The following ST7 variants were observed in gnomAD, a reference collection of about 807,000 sequenced individuals.
ST7 encodes suppression of tumorigenicity 7.
In ST7, 28 loss-of-function variants were observed where a neutral mutation model predicts 78.7. That is an observed-to-expected ratio of 0.36 (90% confidence interval 0.26 to 0.49). The LOEUF (loss-of-function observed/expected upper bound fraction) is 0.49. Ranked by LOEUF, ST7 falls within the 20% of genes least tolerant of loss-of-function variation. ST7 has a pLI of 0.99. For synonymous variants in ST7, 247 were observed against 249.6 expected, an observed-to-expected ratio of 0.99 and a Z score of 0.10; for missense variants, 418 against 696.0, an observed-to-expected ratio of 0.60 and a Z score of 4.49.
intron 9 of ST7, among the ~76,000 whole-genome samples, chr7:117,168,127 T>C (rs1159672838): frequency 6.6e-6 from 1 of 152,208 alleles, no homozygotes; most frequent in African/African-American, 2.4e-5. Context: ...AACATTTGCT[T>C]TTTACCATGT....
At chr7:117,001,813 C>G (rs910946094) in intron 1 of ST7, among the ~76,000 whole-genome samples, 3 of 152,104 alleles carry the variant, frequency 2.0e-5, no homozygotes, top group African/African-American at 7.2e-5. Context: ...TGGCAGGATC[C>G]TTTTGTTGTT....
At chr7:117,128,493 T>A (rs1267332830) in intron 3 of ST7, 1 of 151,916 alleles carries the variant, frequency 6.6e-6, no homozygotes, top group Non-Finnish European at 1.5e-5. Flanking sequence ...CAAGTTAAGC[T>A]AAGTGACAAA....
chr7:117,147,253 C>T (rs997621415), intron 9 of ST7, among the ~76,000 whole-genome samples: 2 of 152,082 alleles, frequency 1.3e-5, no homozygotes, highest in African/African-American at 4.8e-5. Flanking sequence ...CAGGTTTCTT[C>T]CAACTTCCTG....
chr7:117,110,145 A>G (rs1802313331), intron 2 of ST7, among the ~76,000 whole-genome samples: 1 of 152,228 alleles, frequency 6.6e-6, no homozygotes, highest in Admixed American at 6.5e-5. Flanking sequence ...AGGCATTACA[A>G]GTCTCCCTCT....
At chr7:117,221,002 G>A (rs1359025971) in intron 14 of ST7, among the ~76,000 whole-genome samples, 1 of 152,070 alleles carries the variant, frequency 6.6e-6, no homozygotes, top group Non-Finnish European at 1.5e-5. Context: ...CTCTTGGTTA[G>A]AGTGGGCTGT....
chr7:117,154,258 A>C (rs1179050417), intron 9 of ST7, among the ~76,000 whole-genome samples: 1 of 152,186 alleles, frequency 6.6e-6, no homozygotes, highest in African/African-American at 2.4e-5. Flanking sequence ...TACAGCAAGA[A>C]GGTGCTCCTC....
At position 117,161,591 on chromosome 7, in the gene ST7, C is replaced by CTTTT. The variant is rs60505994; in HGVS notation, c.964-9254_964-9251dup. Among the ~76,000 whole-genome samples, 240 of 113,560 alleles carry CTTTT rather than the reference C, an allele frequency of 2.1e-3. 2 individuals are homozygous for CTTTT. The highest frequency in any genetic ancestry group is 6.2e-3 in the Middle Eastern group (1 of 162). 74.5% of individuals were successfully genotyped at this position (113,560 alleles called of 152,430 possible). A position where few individuals can be genotyped will look rare whatever the true frequency, so the allele number is the denominator to read the frequency against. On this transcript the variant is annotated intron_variant, in intron 9 of 15. Transcript: ENST00000323984. ...TTTTTTCAGTTTGTTTTCTTTCTTT[C>CTTTT]TTTTTTTTTTTTTTTTTTTTCTTTC...
chr7:116,993,215 G>A (rs188334088), intron 1 of ST7, among the ~76,000 whole-genome samples: 154 of 152,290 alleles, frequency 1.0e-3, no homozygotes, highest in African/African-American at 3.5e-3. Context: ...ACAATGTACT[G>A]TATTAGTTTG....
intron 1 of ST7, among the ~76,000 whole-genome samples, chr7:117,087,888 G>A (rs1426012848): frequency 6.6e-6 from 1 of 152,024 alleles, no homozygotes. Flanking sequence ...AATAATTCCC[G>A]CAGCTGCACA....
intron 1 of ST7, among the ~76,000 whole-genome samples, chr7:117,079,998 T>G (rs941461586): frequency 7.2e-6 from 1 of 137,988 alleles, no homozygotes; most frequent in East Asian, 2.1e-4. Context: ...TTTTTTTTTT[T>G]GAGACGGAGT....
chr7:117,195,156 A>T (rs1810187459), intron 12 of ST7, among the ~76,000 whole-genome samples: 2 of 120,428 alleles, frequency 1.7e-5, no homozygotes, highest in African/African-American at 1.6e-4. Flanking sequence ...TTACTATTTA[A>T]AAAAAAATTA....
intron 2 of ST7, among the ~76,000 whole-genome samples, chr7:117,117,579 GCAGTACCCTTCATCATGATGATTTA>G (rs1239474497): frequency 1.3e-5 from 2 of 152,170 alleles, no homozygotes; most frequent in Non-Finnish European, 2.9e-5. Context: ...TGTACAGTGA[GCAGTACCCTTCATCATGATGATTTA>G]CAGTACTTTC....
At chr7:117,189,592 G>T (rs531292904) in intron 11 of ST7, among the ~76,000 whole-genome samples, 199 bp downstream of exon 11, 5 of 152,192 alleles carry the variant, frequency 3.3e-5, no homozygotes, top group African/African-American at 9.7e-5. Context: ...GGTGTGTAAA[G>T]GTATCCTAAA....
At chr7:117,012,362 C>T (rs2115928484) in intron 1 of ST7, among the ~76,000 whole-genome samples, 1 of 150,702 alleles carries the variant, frequency 6.6e-6, no homozygotes, top group South Asian at 2.1e-4. Context: ...CACAAGGATT[C>T]TGAGCTAGAG....
At chr7:117,196,350 T>C (rs1810298593) in intron 12 of ST7, among the ~76,000 whole-genome samples, 1 of 149,828 alleles carries the variant, frequency 6.7e-6, no homozygotes, top group African/African-American at 2.4e-5. Context: ...ACTTCCAAAC[T>C]GTTTTCCTTA....
intron 2 of ST7, among the ~76,000 whole-genome samples, chr7:117,110,997 A>G (rs1249075249): frequency 1.3e-5 from 2 of 152,300 alleles, no homozygotes; most frequent in African/African-American, 4.8e-5. Flanking sequence ...ACATTTTGAA[A>G]GGTCTCTCTC....
intron 1 of ST7, among the ~76,000 whole-genome samples, chr7:117,051,902 A>G (rs1797808831): frequency 6.6e-6 from 1 of 152,218 alleles, no homozygotes; most frequent in African/African-American, 2.4e-5. Context: ...AGGACATGCA[A>G]CAAAGGCCAA....
chr7:117,030,827 C>T (rs1230520559), intron 1 of ST7, among the ~76,000 whole-genome samples: 2 of 152,152 alleles, frequency 1.3e-5, no homozygotes, highest in Non-Finnish European at 1.5e-5. Flanking sequence ...CCAGCAACCC[C>T]ACTACTGGAT....
intron 1 of ST7, among the ~76,000 whole-genome samples, chr7:116,979,233 A>G (rs915951441): frequency 1.6e-4 from 24 of 152,344 alleles, no homozygotes; most frequent in African/African-American, 5.3e-4. Flanking sequence ...CAGCAGGGAA[A>G]GTGGAAGGGG....
Sources: allele counts gnomAD v4.1 joint callset (sites outside exome capture counted in the v4.1 genomes callset), GRCh38; gene constraint gnomAD v4.1.1; transcripts MANE v1.5; gene names NCBI Gene and HGNC (gene_info 2026-07-23, HGNC 2026-07-21).